The following BZW1 variants were observed in gnomAD, a reference collection of about 807,000 sequenced individuals.
BZW1 encodes the protein eIF5-mimic protein 2.
Under a neutral mutation model 54.1 loss-of-function variants are expected in BZW1, and 3 were observed. That is an observed-to-expected ratio of 0.06 (90% CI 0.03 to 0.14). BZW1 has a LOEUF of 0.14. BZW1 is among the 10% of genes least tolerant of loss of function. BZW1 has a pLI of 1.00. For synonymous variants in BZW1, 152 were observed against 162.7 expected (o/e 0.93, Z 0.50); for missense variants, 206 against 491.7 (o/e 0.42, Z 5.50).
In BZW1 at chr2:200,826,419, T is replaced by TGATAGATAGATAGATAGATAGA. The variant is rs1559318450; in HGVS notation, c.*4241_*4242insGATAGATAGATAGATAGATAGA. On this transcript the variant is annotated 3_prime_UTR_variant, in exon 12 of 12. Coordinates refer to ENST00000409600, the MANE Select transcript of BZW1 (RefSeq NM_001207067.2). ...TAGATAGATAGATATTTTTTTTTTT[T>TGATAGATAGATAGATAGATAGA]TTTTTTTTTTTTTTTTTTTTTTTGA... 2 of 56,382 alleles carry TGATAGATAGATAGATAGATAGA rather than the reference T, an allele frequency of 3.5e-5. No homozygotes were observed. Among genetic ancestry groups the TGATAGATAGATAGATAGATAGA allele is most frequent in the African/African-American group, 6.2e-5 (1 of 16,248 alleles). 3.5% of individuals were successfully genotyped at this position (56,382 alleles called of 1,614,324 possible). A position where few individuals can be genotyped will look rare whatever the true frequency, so the allele number is the denominator to read the frequency against.
chr2:200,817,084 T>G (rs1256011220), intron 5 of BZW1, 22 bp from the exon 6 acceptor site: 3 of 1,611,296 alleles, frequency 1.9e-6, no homozygotes, highest in Non-Finnish European at 2.5e-6. Flanking sequence ...GTTTTAACCC[T>G]TAATTGTTTT....
At chr2:200,817,081 C>G (rs778953443) in intron 5 of BZW1, 25 bp from the exon 6 acceptor site, 18 of 1,610,148 alleles carry the variant, frequency 1.1e-5, no homozygotes, top group Non-Finnish European at 1.2e-5. Context: ...GCTGTTTTAA[C>G]CCTTAATTGT....
intron 6 of BZW1, 84 bp downstream of exon 6, chr2:200,817,325 T>C: frequency 6.8e-7 from 1 of 1,480,620 alleles, no homozygotes; most frequent in African/African-American, 1.4e-5. Flanking sequence ...ATGTGACTTC[T>C]GTGAAAGTCT....
At position 200,818,260 on chromosome 2, in the gene BZW1, T is replaced by A; in HGVS notation, c.686T>A (p.Phe229Tyr). The change falls in exon 8 of 12, where the codon TTC becomes TAC. Residue 229 changes from phenylalanine to tyrosine, a missense_variant. By Grantham distance (22) the Phe-to-Tyr change is conservative (BLOSUM62 3). Around this residue, in one of 5 missense-constraint regions of BZW1, gnomAD observed 81 missense variants for 257.1 expected, o/e 0.32. Coordinates refer to ENST00000409600, the MANE Select transcript of BZW1 (RefSeq NM_001207067.2). Reference protein sequence around the residue: ...FPANKQSVEHFTKYFTEAGLK... With the variant: ...FPANKQSVEHYTKYFTEAGLK... The stretch of plus-strand genomic sequence containing the variant: ...GCCAATAAGCAAAGTGTTGAACACT[T>A]CACAAAATATTTTACTGAGGCAGGC... 1 of 1,602,594 alleles carries A rather than the reference T, an allele frequency of 6.2e-7. No homozygotes were observed. Among genetic ancestry groups the A allele is most frequent in the South Asian group, 1.1e-5 (1 of 89,580 alleles).
At chr2:200,812,395 G>T in intron 1 of BZW1, 1 of 1,281,430 alleles carries the variant, frequency 7.8e-7, no homozygotes, top group Non-Finnish European at 9.8e-7. Flanking sequence ...TGCTTTCGCT[G>T]GAGGGCGGGC....
At chr2:200,812,494 G>T (rs1368957607) in intron 1 of BZW1, 3 of 1,376,732 alleles carry the variant, frequency 2.2e-6, no homozygotes, top group Admixed American at 3.1e-5. Flanking sequence ...AGGCGACAGG[G>T]TCAGTGGAGA....
At chr2:200,819,020 C>G (rs2038403877) in intron 9 of BZW1, 119 bp downstream of exon 9, 2 of 1,156,560 alleles carry the variant, frequency 1.7e-6, no homozygotes. Context: ...GGATGGCCCA[C>G]CAGTAAATAA....
In BZW1 at chr2:200,812,485, G is replaced by C. The variant is rs372018053; in HGVS notation, c.-11+495G>C. 14 of 1,338,106 alleles carry C rather than the reference G, an allele frequency of 1.0e-5. No homozygotes were observed. The East Asian group carries it at 1.4e-4, about 14-fold the overall frequency. 82.9% of individuals were successfully genotyped at this position (1,338,106 alleles called of 1,614,324 possible). A position where few individuals can be genotyped will look rare whatever the true frequency, so the allele number is the denominator to read the frequency against. On this transcript the variant is annotated intron_variant, in intron 1 of 11. Coordinates refer to ENST00000409600, the MANE Select transcript of BZW1 (RefSeq NM_001207067.2). ...GCTCGTTGCGGCGGCCGCCACCGCAGGCGACAGGGTCAGTGGAGAAAGAGC... is the reference window on the plus strand; with the variant it reads ...GCTCGTTGCGGCGGCCGCCACCGCACGCGACAGGGTCAGTGGAGAAAGAGC...
chr2:200,813,017 T>C, intron 1 of BZW1, 191 bp from the exon 2 acceptor site: 1 of 695,020 alleles, frequency 1.4e-6, no homozygotes, highest in Non-Finnish European at 2.7e-6. Flanking sequence ...TAGAGAGAAA[T>C]GCACATTTTG....
At chr2:200,821,365 T>C in intron 11 of BZW1, 60 bp downstream of exon 11, 3 of 1,588,768 alleles carry the variant, frequency 1.9e-6, no homozygotes, top group South Asian at 2.2e-5. Flanking sequence ...GGCCATAATA[T>C]ATCTTCACAC....
Position 200,825,675 on chromosome 2 carries a change from G to A in BZW1, c.*3497G>A, listed in dbSNP as rs1410673156. 1 of 152,168 alleles carries A rather than the reference G, an allele frequency of 6.6e-6. No homozygotes were observed. Among genetic ancestry groups the A allele is most frequent in the Admixed American group, 6.6e-5 (1 of 15,264 alleles). 9.4% of individuals were successfully genotyped at this position (152,168 alleles called of 1,614,324 possible). A position where few individuals can be genotyped will look rare whatever the true frequency, so the allele number is the denominator to read the frequency against. On this transcript the variant is annotated 3_prime_UTR_variant, in exon 12 of 12. Coordinates refer to ENST00000409600, the MANE Select transcript of BZW1 (RefSeq NM_001207067.2). ...TGTATTACTAAGTAGAATCATTTGG[G>A]TTCTTTCTATAAAAATCAGTGAAAA... is the stretch of plus-strand genomic sequence containing the variant.
chr2:200,817,342 A>G, intron 6 of BZW1, 101 bp downstream of exon 6: 1 of 1,391,722 alleles, frequency 7.2e-7, no homozygotes, highest in Non-Finnish European at 9.8e-7. Context: ...GTCTTCGTTT[A>G]TTAACCAGCC....
chr2:200,821,897 CA>C (rs1482921040), intron 11 of BZW1, among the ~76,000 whole-genome samples: 1 of 152,182 alleles, frequency 6.6e-6, no homozygotes, highest in Non-Finnish European at 1.5e-5. Flanking sequence ...ATGGGAAACC[CA>C]GTCTCTACTA....
intron 10 of BZW1, 78 bp downstream of exon 10, chr2:200,820,198 A>G (rs2038458212): frequency 5.6e-6 from 7 of 1,249,306 alleles, no homozygotes; most frequent in Non-Finnish European, 7.6e-6. Flanking sequence ...ATGATGAGTT[A>G]TCTGGACATC....
At chr2:200,821,334 T>G in intron 11 of BZW1, 29 bp downstream of exon 11, 1 of 1,610,722 alleles carries the variant, frequency 6.2e-7, no homozygotes, top group Non-Finnish European at 8.5e-7. Context: ...GTGGTTTGTT[T>G]GGTAAAGCTA....
chr2:200,813,222 A>G lies in BZW1; in HGVS notation c.5A>G (p.Asn2Ser), dbSNP rs766567223. The change falls in exon 2 of 12, where the codon AAT becomes AGT. Residue 2 changes from asparagine to serine, a missense_variant. By Grantham distance (46) the Asn-to-Ser change is conservative (BLOSUM62 1). Coordinates refer to ENST00000409600, the MANE Select transcript of BZW1 (RefSeq NM_001207067.2). ...TCCTTTCCTAGGGTGTCTTTTATGA[A>G]TAATCAAAAGCAGCAAAAGCCAACG... Reference protein sequence around the residue: MNNQKQQKPTLS... With the variant: MSNQKQQKPTLS... 6.2e-7 allele frequency: 1 copy of G among 1,613,426 alleles called. No homozygotes were observed. Among genetic ancestry groups the G allele is most frequent in the Admixed American group, 1.7e-5 (1 of 60,010 alleles).
intron 1 of BZW1, 195 bp from the exon 2 acceptor site, chr2:200,813,013 G>A: frequency 1.4e-6 from 1 of 695,538 alleles, no homozygotes; most frequent in East Asian, 2.8e-5. Context: ...CTTGTAGAGA[G>A]AAATGCACAT....
intron 6 of BZW1, 48 bp downstream of exon 6, chr2:200,817,289 A>G: frequency 1.3e-6 from 2 of 1,594,534 alleles, no homozygotes; most frequent in Admixed American, 1.7e-5. Flanking sequence ...AGTGGGGTGG[A>G]TAAGAGCATG....
At chr2:200,819,160 G>C (rs1040550153) in intron 9 of BZW1, 2 of 400,700 alleles carry the variant, frequency 5.0e-6, no homozygotes, top group African/African-American at 4.3e-5. Context: ...GGGAGGCAAG[G>C]GCAGGAGGAT....
Sources: gnomAD v4.1 joint callset for allele counts (sites outside exome capture counted in the v4.1 genomes callset) on GRCh38, gnomAD v4.1.1 for gene constraint, gnomAD v4.1.1 regional missense constraint, MANE v1.5 for transcripts, NCBI Gene and HGNC (gene_info 2026-07-23, HGNC 2026-07-21) for gene names.